UBE2F: variants seen among roughly 807,000 people sequenced by gnomAD.
The protein encoded by UBE2F is NEDD8-conjugating enzyme UBE2F.
UBE2F carries 5 observed loss-of-function variants against 29.6 expected under a neutral mutation model. The observed-to-expected ratio is 0.17, with a 90% CI of 0.09 to 0.36. UBE2F has a LOEUF of 0.36. Ranked by LOEUF, UBE2F falls within the 10% of genes least tolerant of loss-of-function variation. The pLI is 1.00. For missense variants in UBE2F, 141 were observed against 228.5 expected (o/e 0.62, Z 2.47); for synonymous variants, 66 against 81.8 (o/e 0.81, Z 1.04).
At chr2:238,036,660 C>T (rs2064716502) in intron 9 of UBE2F, among the ~76,000 whole-genome samples, 1 of 152,128 alleles carries the variant, frequency 6.6e-6, no homozygotes, top group African/African-American at 2.4e-5. Context: ...CATGGCAAAA[C>T]TCTGTCTTTA....
rs2063075633 is a variant in UBE2F, at chr2:237,967,319, G to A, written c.-17+187G>A. 6.8e-6 allele frequency among the ~76,000 whole-genome samples: 1 copy of A among 146,190 alleles called. No individual in the cohort carries two copies. Among genetic ancestry groups the A allele is most frequent in the Non-Finnish European group, 1.5e-5 (1 of 65,752 alleles). On this transcript the variant is annotated intron_variant, in intron 1 of 9. Coordinates refer to ENST00000272930, the MANE Select transcript of UBE2F (RefSeq NM_080678.3). The surrounding 1 kb of genome is among the most constrained non-coding windows in gnomAD (Gnocchi z 6.3). ...GGCCGAGCGGCGTGAATGGGAAGGG[G>A]CCGCGGGCCGCGGGCCGCGAGCCGG...
At chr2:238,028,230 T>C (rs564449384) in intron 6 of UBE2F, among the ~76,000 whole-genome samples, 7 of 152,326 alleles carry the variant, frequency 4.6e-5, no homozygotes, top group African/African-American at 1.7e-4. Flanking sequence ...TGCCTCCCCA[T>C]TACCTGCCCC....
chr2:238,002,674 C>T (rs1340090873), intron 4 of UBE2F, among the ~76,000 whole-genome samples: 2 of 152,092 alleles, frequency 1.3e-5, no homozygotes, highest in African/African-American at 2.4e-5. Context: ...TGCAGTGGCG[C>T]GATCTTGACT....
At chr2:237,998,325 A>C (rs1190068322) in intron 4 of UBE2F, among the ~76,000 whole-genome samples, 1 of 152,104 alleles carries the variant, frequency 6.6e-6, no homozygotes, top group Non-Finnish European at 1.5e-5. Flanking sequence ...CCCCTACACC[A>C]CCATCCAAAA....
rs566925448 is a variant in UBE2F at position 238,022,998 on chromosome 2, G to A, written c.283-2344G>A. 6.6e-5 allele frequency among the ~76,000 whole-genome samples: 10 copies of A among 152,340 alleles called. 1 individual carries two copies. In the South Asian group the frequency reaches 2.1e-3, roughly 32 times the overall value. ...ATCAAATTATGGAAGGTGTGAAGGG[G>A]ACAGGAGGAAGGGCGAATACCCGCA... On this transcript the variant is annotated intron_variant, in intron 5 of 9. Transcript: ENST00000272930.
chr2:238,030,621 C>G lies in UBE2F; in HGVS notation c.411+8C>G, dbSNP rs753823600. Reference sequence around the variant, plus strand: ...CCCACAAGAACATTAAAGGTAGAGTCTGTGCCTTGATCTTGATCATAAGTT... The same window carrying G: ...CCCACAAGAACATTAAAGGTAGAGTGTGTGCCTTGATCTTGATCATAAGTT... On this transcript the variant is annotated splice_region_variant and intron_variant, in intron 7 of 9. Coordinates refer to ENST00000272930, the MANE Select transcript of UBE2F (RefSeq NM_080678.3). 1 of 1,610,440 alleles carries G rather than the reference C, an allele frequency of 6.2e-7. No homozygotes were observed. Among genetic ancestry groups the G allele is most frequent in the Non-Finnish European group, 8.5e-7 (1 of 1,176,836 alleles).
intron 4 of UBE2F, among the ~76,000 whole-genome samples, chr2:237,996,229 A>AT (rs1213067737): frequency 6.6e-6 from 1 of 152,176 alleles, no homozygotes; most frequent in Non-Finnish European, 1.5e-5. Flanking sequence ...CATTGTAGTG[A>AT]TTAAGATTGG....
At chr2:238,016,143 G>A (rs1260345758) in intron 4 of UBE2F, among the ~76,000 whole-genome samples, 3 of 152,230 alleles carry the variant, frequency 2.0e-5, no homozygotes, top group Non-Finnish European at 2.9e-5. Context: ...AGGGTTTGTT[G>A]GTGACTGTTA....
At chr2:238,022,732 T>C (rs1374383083) in intron 5 of UBE2F, among the ~76,000 whole-genome samples, 4 of 152,146 alleles carry the variant, frequency 2.6e-5, no homozygotes, top group African/African-American at 9.6e-5. Flanking sequence ...GCCAGATTTG[T>C]CATACATTAG....
At chr2:238,018,013 G>A (rs1346750833) in intron 5 of UBE2F, among the ~76,000 whole-genome samples, 1 of 152,198 alleles carries the variant, frequency 6.6e-6, no homozygotes, top group Non-Finnish European at 1.5e-5. Flanking sequence ...TGTAATTTAT[G>A]GGGATAGGGA....
chr2:238,036,037 G>T, intron 9 of UBE2F, 97 bp downstream of exon 9: 1 of 1,090,324 alleles, frequency 9.2e-7, no homozygotes, highest in East Asian at 2.4e-5. Flanking sequence ...TATCCACCAA[G>T]AGAGTGGTGG....
At chr2:238,041,243 A>ACTCT (rs759749882) in intron 9 of UBE2F, 45 bp from the exon 10 acceptor site, 1 of 1,589,696 alleles carries the variant, frequency 6.3e-7, no homozygotes, top group African/African-American at 1.4e-5. Flanking sequence ...TCACTCACTC[A>ACTCT]CTCCTCCTGT....
intron 4 of UBE2F, among the ~76,000 whole-genome samples, chr2:238,015,417 AATC>A (rs1376473341): frequency 6.6e-6 from 1 of 152,254 alleles, no homozygotes; most frequent in Non-Finnish European, 1.5e-5. Flanking sequence ...AATGACCAAT[AATC>A]ATATAAATTT....
chr2:238,039,811 G>A (rs1307417256), intron 9 of UBE2F, among the ~76,000 whole-genome samples: 5 of 152,200 alleles, frequency 3.3e-5, no homozygotes, highest in African/African-American at 4.8e-5. Flanking sequence ...GAGACTAAGA[G>A]TACATGGCAT....
At chr2:238,028,607 A>G (rs995991129) in intron 6 of UBE2F, among the ~76,000 whole-genome samples, 3 of 152,254 alleles carry the variant, frequency 2.0e-5, no homozygotes, top group Non-Finnish European at 4.4e-5. Context: ...GGTAGGATAC[A>G]TGATTTGAGT....
chr2:238,006,223 G>T (rs1009053147), intron 4 of UBE2F, among the ~76,000 whole-genome samples: 1 of 152,174 alleles, frequency 6.6e-6, no homozygotes, highest in Non-Finnish European at 1.5e-5. Flanking sequence ...AAGAGATGCA[G>T]ACTCTTTTAA....
rs77373903 is a variant in UBE2F at position 237,985,256 on chromosome 2, C to T, written c.119-2707C>T. Among the ~76,000 whole-genome samples, 620 of 152,226 alleles carry T rather than the reference C, an allele frequency of 4.1e-3. 2 individuals carry two copies. The highest frequency in any genetic ancestry group is 6.1e-3 in the Non-Finnish European group (413 of 68,020). On this transcript the variant is annotated intron_variant, in intron 2 of 9. Transcript: ENST00000272930. ...GTAACATCTGAATCTACTCTGTTGG[C>T]AAATTTCCAGCATATAAAACAATAT... is the stretch of plus-strand genomic sequence containing the variant.
intron 8 of UBE2F, among the ~76,000 whole-genome samples, chr2:238,033,264 A>G (rs4663279): frequency 0.35 from 52,539 of 152,126 alleles, 9,280 homozygotes; most frequent in East Asian, 0.51. Flanking sequence ...TAGGGCAGGA[A>G]GAGGCTAAAT....
intron 6 of UBE2F, among the ~76,000 whole-genome samples, chr2:238,029,489 G>C (rs1043474436): frequency 3.3e-5 from 5 of 151,912 alleles, no homozygotes; most frequent in African/African-American, 1.2e-4. Context: ...CAGCTACTCA[G>C]GAGGCTGAGG....
Sources: gnomAD v4.1 joint callset for allele counts (sites outside exome capture counted in the v4.1 genomes callset) on GRCh38, gnomAD v4.1.1 for gene constraint, Gnocchi (gnomAD v3.1) non-coding constraint, MANE v1.5 for transcripts, NCBI Gene and HGNC (gene_info 2026-07-23, HGNC 2026-07-21) for gene names.